GSTCD: variants seen among roughly 807,000 people sequenced by gnomAD.
GSTCD encodes the protein glutathione S-transferase C-terminal domain containing.
Under a neutral mutation model 68.3 loss-of-function variants are expected in GSTCD, and 44 were observed. The observed-to-expected ratio is 0.64, with a 90% CI of 0.51 to 0.83. GSTCD has a LOEUF of 0.83. Ranked by LOEUF, GSTCD falls within the 40% of genes least tolerant of loss-of-function variation. GSTCD has a pLI of 0.00. For synonymous variants in GSTCD, 273 were observed against 255.2 expected (o/e 1.07, Z -0.67); for missense variants, 739 against 735.9 (o/e 1.00, Z -0.05).
chr4:105,783,759 A>G (rs1186821732), intron 5 of GSTCD, among the ~76,000 whole-genome samples: 6 of 152,170 alleles, frequency 3.9e-5, no homozygotes, highest in Non-Finnish European at 1.5e-5. Context: ...AATTGTCCCA[A>G]TATCTTTTAT....
chr4:105,744,009 T>A (rs1363122468), intron 5 of GSTCD, among the ~76,000 whole-genome samples: 1 of 152,220 alleles, frequency 6.6e-6, no homozygotes, highest in East Asian at 1.9e-4. Flanking sequence ...AAACAGGATA[T>A]TTAATTTAGT....
At chr4:105,765,509 T>A (rs1190202616) in intron 5 of GSTCD, among the ~76,000 whole-genome samples, 1 of 152,230 alleles carries the variant, frequency 6.6e-6, no homozygotes, top group African/African-American at 2.4e-5. Context: ...ATCTAGGAGA[T>A]TGCTACATTG....
At chr4:105,802,234 C>A (rs1036086848) in intron 5 of GSTCD, among the ~76,000 whole-genome samples, 1 of 152,020 alleles carries the variant, frequency 6.6e-6, no homozygotes, top group South Asian at 2.1e-4. Context: ...GTTTCTACTG[C>A]CTTCATATGT....
chr4:105,769,686 T>A (rs1316178339), intron 5 of GSTCD, among the ~76,000 whole-genome samples: 1 of 152,176 alleles, frequency 6.6e-6, no homozygotes. Flanking sequence ...GTTTATTTGT[T>A]TTTTGGTATT....
chr4:105,813,467 AT>A (rs1722837424), intron 5 of GSTCD, among the ~76,000 whole-genome samples: 1 of 152,196 alleles, frequency 6.6e-6, no homozygotes, highest in Admixed American at 6.5e-5. Context: ...CCTTCAGGCT[AT>A]TTGTATAAGG....
chr4:105,797,514 TA>T (rs371893556), intron 5 of GSTCD, among the ~76,000 whole-genome samples: 8,740 of 149,006 alleles, frequency 0.059, 278 homozygotes, highest in Middle Eastern at 0.14. Context: ...ACTTTATTGC[TA>T]AAAAAAAAAT....
intron 9 of GSTCD, among the ~76,000 whole-genome samples, chr4:105,837,518 A>G (rs2149286009): frequency 6.6e-6 from 1 of 152,294 alleles, no homozygotes; most frequent in East Asian, 1.9e-4. Context: ...TTTCAATGGC[A>G]GTCCTCTCCT....
chr4:105,793,086 A>G (rs1735736768), intron 5 of GSTCD, among the ~76,000 whole-genome samples: 1 of 152,050 alleles, frequency 6.6e-6, no homozygotes, highest in African/African-American at 2.4e-5. Flanking sequence ...ATATAAAAGT[A>G]TGAGAGTAAT....
intron 5 of GSTCD, among the ~76,000 whole-genome samples, chr4:105,744,604 G>C (rs1329129604): frequency 1.3e-5 from 2 of 152,098 alleles, no homozygotes; most frequent in Non-Finnish European, 2.9e-5. Flanking sequence ...TAATGCTCAA[G>C]TTATCCCAGG....
chr4:105,715,909 A>T (rs1428184971), intron 1 of GSTCD, among the ~76,000 whole-genome samples: 1 of 152,086 alleles, frequency 6.6e-6, no homozygotes, highest in Non-Finnish European at 1.5e-5. Context: ...TAATTTATGT[A>T]TTAGAACATT....
chr4:105,829,204 AAAAG>A (rs1373894450), intron 8 of GSTCD, among the ~76,000 whole-genome samples: 2 of 151,570 alleles, frequency 1.3e-5, no homozygotes, highest in Non-Finnish European at 2.9e-5. Context: ...AAAAAAAAAA[AAAAG>A]AAAGGCACCT....
chr4:105,760,973 G>A, intron 5 of GSTCD: 1 of 279,724 alleles, frequency 3.6e-6, no homozygotes, highest in South Asian at 3.1e-5. Flanking sequence ...TAATAATTTT[G>A]TATATCTCAT....
chr4:105,710,337 C>G (rs1425960595), intron 1 of GSTCD, among the ~76,000 whole-genome samples: 1 of 141,950 alleles, frequency 7.0e-6, no homozygotes, highest in Admixed American at 7.2e-5. Context: ...TCTCCTGCCT[C>G]AGCCTCCCGA....
Position 105,814,915 on chromosome 4 carries a change from G to A in GSTCD, c.1241-8039G>A, listed in dbSNP as rs180905311. Among the ~76,000 whole-genome samples, 35 of 152,202 alleles carry A rather than the reference G, an allele frequency of 2.3e-4. 1 individual carries two copies. The highest frequency in any genetic ancestry group is 7.2e-4 in the African/African-American group (30 of 41,546). On this transcript the variant is annotated intron_variant, in intron 5 of 11. Transcript: ENST00000515279. ...AACTGGAATGCAAAACTGCCTTTGC[G>A]GTTTATACAGACCCTGTGTAACTTG...
chr4:105,776,738 G>A (rs968272426), intron 5 of GSTCD, among the ~76,000 whole-genome samples: 6 of 152,150 alleles, frequency 3.9e-5, no homozygotes, highest in African/African-American at 7.2e-5. Context: ...TCCACCTTCT[G>A]CATTGATCTT....
intron 3 of GSTCD, among the ~76,000 whole-genome samples, chr4:105,726,219 A>G (rs1733028001): frequency 6.6e-6 from 1 of 152,196 alleles, no homozygotes; most frequent in Non-Finnish European, 1.5e-5. Flanking sequence ...CGATTGGTCA[A>G]TGTAACTATA....
chr4:105,744,005 G>C (rs1733724344), intron 5 of GSTCD, among the ~76,000 whole-genome samples: 1 of 152,174 alleles, frequency 6.6e-6, no homozygotes, highest in East Asian at 1.9e-4. Flanking sequence ...TATCAAACAG[G>C]ATATTTAATT....
intron 5 of GSTCD, among the ~76,000 whole-genome samples, chr4:105,771,475 T>A (rs1429340317): frequency 6.6e-6 from 1 of 152,144 alleles, no homozygotes; most frequent in East Asian, 1.9e-4. Flanking sequence ...ATTGCCTAGG[T>A]TTTCTTCTAG....
At chr4:105,715,617 T>A (rs975091251) in intron 1 of GSTCD, among the ~76,000 whole-genome samples, 7 of 151,906 alleles carry the variant, frequency 4.6e-5, no homozygotes, top group Admixed American at 4.6e-4. Flanking sequence ...TACAAGTTCC[T>A]TAGTTTTAAA....
Sources: gnomAD v4.1 joint callset for allele counts (sites outside exome capture counted in the v4.1 genomes callset) on GRCh38, gnomAD v4.1.1 for gene constraint, MANE v1.5 for transcripts, NCBI Gene and HGNC (gene_info 2026-07-23, HGNC 2026-07-21) for gene names.